CEP70: variants seen among roughly 807,000 people sequenced by gnomAD.
The protein encoded by CEP70 is centrosomal protein 70, also known as centrosomal protein of 70 kDa.
A neutral mutation model predicts 90.9 loss-of-function variants in CEP70; 70 were observed. The ratio of observed to expected loss-of-function variants is 0.77; its 90% CI spans 0.64 to 0.94. The LOEUF (loss-of-function observed/expected upper bound fraction) is 0.94, where lower values mean the gene tolerates loss of function less well. Ranked by LOEUF, CEP70 falls within the 40% of genes least tolerant of loss-of-function variation. The pLI is 0.00. For synonymous variants in CEP70, 220 were observed against 228.3 expected (o/e 0.96, Z 0.33); for missense variants, 648 against 669.0 (o/e 0.97, Z 0.35).
chr3:138,522,400 C>CA (rs1265302448), intron 11 of CEP70, among the ~76,000 whole-genome samples: 1 of 148,522 alleles, frequency 6.7e-6, no homozygotes, highest in Admixed American at 6.7e-5. Flanking sequence ...AATAGAGACA[C>CA]AAAAAACCCT....
intron 13 of CEP70, among the ~76,000 whole-genome samples, chr3:138,502,439 T>G (rs2034600250): frequency 1.3e-5 from 2 of 152,150 alleles, no homozygotes; most frequent in South Asian, 4.1e-4. Context: ...ATTGGTATCT[T>G]TAACCTTTCA....
rs1211102356 is a variant in CEP70 at position 138,572,783 on chromosome 3, A to G, written c.69+76T>C. On this transcript the variant is annotated intron_variant, in intron 3 of 17. Transcript: ENST00000264982. ...TTGAGAAAGAATCCTTTTAAAGTCA[A>G]ATTTTCCTGTTTGTAGATGTAGCAT... 4.1e-6 allele frequency: 4 copies of G among 969,618 alleles called. No homozygotes were observed. In the East Asian group the frequency reaches 7.2e-5, roughly 17 times the overall value. 60.1% of individuals were successfully genotyped at this position (969,618 alleles called of 1,614,324 possible).
Position 138,556,865 on chromosome 3 carries a change from G to A in CEP70, c.465+13453C>T, listed in dbSNP as rs114535278. On this transcript the variant is annotated intron_variant, in intron 6 of 17. Coordinates refer to ENST00000264982, the MANE Select transcript of CEP70 (RefSeq NM_024491.4). ...GGGCGAGATCACAGGACCACAGACC[G>A]GGGCGAAATTAAAATTGCTAATGAA... Among the ~76,000 whole-genome samples the A allele has an allele frequency of 4.0e-3, 611 of 152,228 alleles. 3 individuals are homozygous for A. The highest frequency in any genetic ancestry group is 0.014 in the African/African-American group (583 of 41,524).
chr3:138,566,173 A>G (rs866216000), intron 6 of CEP70, among the ~76,000 whole-genome samples: 1 of 152,234 alleles, frequency 6.6e-6, no homozygotes, highest in African/African-American at 2.4e-5. Flanking sequence ...AAGTCAGAAA[A>G]TAACAGATGC....
intron 6 of CEP70, among the ~76,000 whole-genome samples, chr3:138,555,678 A>G (rs1339474168): frequency 6.6e-6 from 1 of 152,188 alleles, no homozygotes; most frequent in Non-Finnish European, 1.5e-5. Flanking sequence ...CAACAACACC[A>G]ATGGTCAGGG....
At chr3:138,511,160 C>T (rs1010825287) in intron 11 of CEP70, among the ~76,000 whole-genome samples, 7 of 149,802 alleles carry the variant, frequency 4.7e-5, no homozygotes, top group Non-Finnish European at 8.8e-5. Flanking sequence ...AGTGAGCCAC[C>T]GTGCCCCCCC....
chr3:138,501,641 G>T (rs777653691), intron 13 of CEP70, among the ~76,000 whole-genome samples: 1 of 152,110 alleles, frequency 6.6e-6, no homozygotes, highest in Non-Finnish European at 1.5e-5. Context: ...AATGTGAAAG[G>T]TTCCCTAAAT....
rs781735416 is a variant in CEP70 at position 138,570,035 on chromosome 3, T to C, written c.465+283A>G. On this transcript the variant is annotated intron_variant, in intron 6 of 17. Coordinates refer to ENST00000264982, the MANE Select transcript of CEP70 (RefSeq NM_024491.4). Reference sequence around the variant, plus strand: ...TGACATCACCAAGGGCATCAGAGTATGTAAGAAAGAGAAAAGATCTAAGGA... The same window carrying C: ...TGACATCACCAAGGGCATCAGAGTACGTAAGAAAGAGAAAAGATCTAAGGA... 3.6e-4 allele frequency among the ~76,000 whole-genome samples: 55 copies of C among 151,808 alleles called. 1 individual carries two copies. Among genetic ancestry groups the C allele is most frequent in the Non-Finnish European group, 6.9e-4 (47 of 67,994 alleles).
intron 2 of CEP70, among the ~76,000 whole-genome samples, chr3:138,588,837 C>G (rs1444577948): frequency 6.6e-6 from 1 of 152,200 alleles, no homozygotes; most frequent in Non-Finnish European, 1.5e-5. Context: ...ACTCAAATGT[C>G]CAGCAGCAGG....
At chr3:138,495,219 C>T (rs984654370) in intron 17 of CEP70, 143 bp from the exon 18 acceptor site, 8 of 568,286 alleles carry the variant, frequency 1.4e-5, no homozygotes, top group East Asian at 2.9e-5. Context: ...AGTTTTTCTC[C>T]GATAGTGATG....
intron 16 of CEP70, among the ~76,000 whole-genome samples, chr3:138,499,086 C>T (rs377194072): frequency 3.3e-5 from 5 of 151,900 alleles, no homozygotes; most frequent in Non-Finnish European, 5.9e-5. Context: ...AATCAGTAGT[C>T]AGTAAAACTG....
Position 138,498,106 on chromosome 3 carries a change from T to C in CEP70, c.1657A>G (p.Ile553Val), listed in dbSNP as rs1323489737. 2 of 1,611,860 alleles carry C rather than the reference T, an allele frequency of 1.2e-6. No individual in the cohort carries two copies. The highest frequency in any genetic ancestry group is 1.7e-6 in the Non-Finnish European group (2 of 1,179,006). The change falls in exon 17 of 18, where the codon ATC becomes GTC. Residue 553 changes from isoleucine to valine, a missense_variant. Physicochemically the swap from Ile to Val is conservative, Grantham distance 29. Coordinates refer to ENST00000264982, the MANE Select transcript of CEP70 (RefSeq NM_024491.4). ...VLGPEDLQSI[I>V]YKLEEHEEFF... ...TCCTCGTGTTCTTCCAATTTGTAGATAATGCTGTTTAAAAAATGCACAATT... is the reference window on the plus strand; with the variant it reads ...TCCTCGTGTTCTTCCAATTTGTAGACAATGCTGTTTAAAAAATGCACAATT...
intron 2 of CEP70, among the ~76,000 whole-genome samples, chr3:138,579,931 G>A (rs925231330): frequency 2.4e-4 from 36 of 152,070 alleles, no homozygotes; most frequent in African/African-American, 5.1e-4. Flanking sequence ...CCCAATTCCA[G>A]GCTTTGGCTC....
intron 16 of CEP70, 137 bp downstream of exon 16, chr3:138,499,973 C>A: frequency 1.5e-6 from 1 of 663,260 alleles, no homozygotes; most frequent in Non-Finnish European, 2.8e-6. Flanking sequence ...GGTCTCACTG[C>A]CTTGCTCAGA....
chr3:138,589,497 A>G (rs1044061793), intron 2 of CEP70, among the ~76,000 whole-genome samples: 1 of 151,700 alleles, frequency 6.6e-6, no homozygotes, highest in Non-Finnish European at 1.5e-5. Flanking sequence ...TCAAGAAAAA[A>G]AAAAAAAAAA....
At chr3:138,580,264 G>A (rs2041782907) in intron 2 of CEP70, among the ~76,000 whole-genome samples, 1 of 152,102 alleles carries the variant, frequency 6.6e-6, no homozygotes. Context: ...GTCCCAGTAG[G>A]GCCGGCCACA....
intron 6 of CEP70, among the ~76,000 whole-genome samples, chr3:138,540,050 T>C (rs2038619457): frequency 6.6e-6 from 1 of 152,194 alleles, no homozygotes; most frequent in Non-Finnish European, 1.5e-5. Flanking sequence ...AGGAGACATC[T>C]GAAACTATGC....
chr3:138,555,991 T>C (rs1023385311), intron 6 of CEP70, among the ~76,000 whole-genome samples: 1 of 152,158 alleles, frequency 6.6e-6, no homozygotes, highest in Non-Finnish European at 1.5e-5. Context: ...AAAGCACAAT[T>C]CACAATTGCA....
chr3:138,515,030 C>T (rs1273725428), intron 11 of CEP70, among the ~76,000 whole-genome samples: 2 of 152,050 alleles, frequency 1.3e-5, no homozygotes, highest in East Asian at 3.9e-4. Context: ...AAAAGTCACT[C>T]GAAAGACCGG....
Sources: allele counts gnomAD v4.1 joint callset (sites outside exome capture counted in the v4.1 genomes callset), GRCh38; gene constraint gnomAD v4.1.1; transcripts MANE v1.5; gene names NCBI Gene and HGNC (gene_info 2026-07-23, HGNC 2026-07-21).